FBXO27: variants seen among roughly 807,000 people sequenced by gnomAD.
FBXO27 encodes F-box protein 27, also known as F-box only protein 27.
In FBXO27, 28 loss-of-function variants were observed where a neutral mutation model predicts 28.3. That is an observed-to-expected ratio of 0.99 (90% CI 0.73 to 1.36). The LOEUF is 1.36. FBXO27 is among the 40% of genes most tolerant of loss of function. The probability of loss-of-function intolerance (pLI) is 0.00; values close to 1 mark genes in which losing one functional copy is unlikely to be tolerated. For missense variants in FBXO27, 388 were observed against 394.1 expected (o/e 0.98, Z 0.13); for synonymous variants, 175 against 167.3 (o/e 1.05, Z -0.36).
chr19:39,025,704 C>T, intron 5 of FBXO27, 150 bp from the exon 6 acceptor site: 4 of 1,113,982 alleles, frequency 3.6e-6, no homozygotes, highest in Non-Finnish European at 5.0e-6. Flanking sequence ...ATAGAATCTT[C>T]CACTCCCTCA....
intron 2 of FBXO27, among the ~76,000 whole-genome samples, chr19:39,007,057 C>A (rs1223005676): frequency 2.1e-3 from 122 of 57,576 alleles, no homozygotes; most frequent in East Asian, 3.9e-3. Flanking sequence ...TGGGTGTCTC[C>A]AAAAAAAAAA....
intron 2 of FBXO27, among the ~76,000 whole-genome samples, chr19:39,007,583 A>G (rs1975744984): frequency 6.6e-6 from 1 of 152,024 alleles, no homozygotes; most frequent in Admixed American, 6.6e-5. Flanking sequence ...GCCCACCCCC[A>G]ACTCTGCATC....
At chr19:39,016,378 G>C (rs192209292) in intron 1 of FBXO27, among the ~76,000 whole-genome samples, 72 of 152,040 alleles carry the variant, frequency 4.7e-4, no homozygotes, top group African/African-American at 1.7e-3. Context: ...GTGTGTGTGC[G>C]TGAGGGGCTG....
At chr19:39,012,641 T>G (rs77752267) in intron 2 of FBXO27, among the ~76,000 whole-genome samples, 2 of 108,406 alleles carry the variant, frequency 1.8e-5, no homozygotes, top group African/African-American at 7.3e-5. Context: ...TCTTCTTTTT[T>G]TTTGTTTGTT....
intron 2 of FBXO27, among the ~76,000 whole-genome samples, 197 bp downstream of exon 2, chr19:39,031,667 C>G (rs1487211924): frequency 6.6e-6 from 1 of 151,658 alleles, no homozygotes; most frequent in Admixed American, 6.6e-5. Context: ...CCCACCGGCT[C>G]CCAATGCTGC....
intron 1 of FBXO27, among the ~76,000 whole-genome samples, chr19:39,014,766 C>A (rs1434542733): frequency 6.6e-6 from 1 of 150,950 alleles, no homozygotes; most frequent in Non-Finnish European, 1.5e-5. Flanking sequence ...AAAATGCATA[C>A]CTTCAAGAAA....
chr19:39,007,343 G>C (rs1333873735), intron 2 of FBXO27, among the ~76,000 whole-genome samples: 2 of 152,178 alleles, frequency 1.3e-5, no homozygotes, highest in Non-Finnish European at 1.5e-5. Flanking sequence ...TGCCTGAGGA[G>C]TGTGGACAGC....
At chr19:39,012,520 A>G (rs2072800637) in intron 2 of FBXO27, among the ~76,000 whole-genome samples, 1 of 152,244 alleles carries the variant, frequency 6.6e-6, no homozygotes. Context: ...TTCATCCAGA[A>G]GGGTTGGATA....
intron 2 of FBXO27, among the ~76,000 whole-genome samples, chr19:39,012,960 A>AAAAC (rs144507136): frequency 0.11 from 13,901 of 129,404 alleles, 785 homozygotes; most frequent in Non-Finnish European, 0.14. Context: ...ACCCTGTCTC[A>AAAAC]AAACAAACAA....
At chr19:39,028,478 T>TAATC (rs751809025) in intron 4 of FBXO27, among the ~76,000 whole-genome samples, 15 of 152,274 alleles carry the variant, frequency 9.9e-5, no homozygotes, top group Non-Finnish European at 2.1e-4. Context: ...CTCACACCTG[T>TAATC]AATCCCAGCA....
chr19:39,008,302 T>C (rs1441885613), intron 2 of FBXO27, among the ~76,000 whole-genome samples: 1 of 151,056 alleles, frequency 6.6e-6, no homozygotes. Flanking sequence ...TATTTAAATA[T>C]AAATGGGGTC....
At chr19:39,011,700 G>T (rs775490293) in intron 2 of FBXO27, among the ~76,000 whole-genome samples, 11 of 122,472 alleles carry the variant, frequency 9.0e-5, no homozygotes, top group South Asian at 7.3e-4. Flanking sequence ...CGGCGGGGGA[G>T]GGGGGGTCTC....
chr19:39,027,573 A>G (rs561471314), intron 4 of FBXO27, among the ~76,000 whole-genome samples: 1 of 152,154 alleles, frequency 6.6e-6, no homozygotes, highest in African/African-American at 2.4e-5. Context: ...GCTGATTTTA[A>G]TCTGTATCTT....
intron 1 of FBXO27, among the ~76,000 whole-genome samples, chr19:39,014,979 T>A (rs1445198996): frequency 2.0e-5 from 3 of 149,636 alleles, no homozygotes; most frequent in Non-Finnish European, 4.4e-5. Flanking sequence ...GATCACGCTA[T>A]TGCACTCCAG....
downstream of FBXO27, among the ~76,000 whole-genome samples, chr19:39,021,862 C>T (rs1044015853): frequency 3.3e-5 from 5 of 152,018 alleles, no homozygotes; most frequent in African/African-American, 9.7e-5. Flanking sequence ...GGGGTTTCAC[C>T]ATGTTGGCCA....
chr19:39,028,800 T>C (rs907261834), intron 4 of FBXO27, among the ~76,000 whole-genome samples: 2 of 151,332 alleles, frequency 1.3e-5, no homozygotes, highest in African/African-American at 4.9e-5. Flanking sequence ...AAGGCAGAGG[T>C]TGCAGTGAGC....
In FBXO27 at chr19:39,031,966, T is replaced by C; in HGVS notation, c.262A>G (p.Ser88Gly). ...GCGTTACGGGCGGGAGACTGGCAGC[T>C]GCGGGCGAGGTGCAGCAGCGCGCGG... Reference protein sequence around the residue: ...TGRALLHLARSCQSPARNARP... With the variant: ...TGRALLHLARGCQSPARNARP... Residue 88 changes from serine (S) to glycine (G), a missense_variant, in exon 2 of 6, where the codon AGC becomes GGC. Transcript: ENST00000292853. The C allele has an allele frequency of 6.6e-7, 1 of 1,521,824 alleles. No individual in the cohort carries two copies. Among genetic ancestry groups the C allele is most frequent in the South Asian group, 1.3e-5 (1 of 79,282 alleles). The allele number at this position is 1,521,824 out of a possible 1,614,324, so 94.3% of individuals were successfully genotyped here. A position where few individuals can be genotyped will look rare whatever the true frequency, so the allele number is the denominator to read the frequency against.
rs1222059770 is a variant in FBXO27, at chr19:39,025,529, T to A, written c.734A>T (p.Lys245Met). The change falls in exon 6 of 6, where the codon AAG becomes ATG. Residue 245 changes from lysine to methionine, a missense_variant. Lys to Met is a moderately conservative substitution (Grantham distance 95, BLOSUM62 -1). Coordinates refer to ENST00000292853, the MANE Select transcript of FBXO27 (RefSeq NM_178820.5). ...GAAAGACACAAAGCGGACGCCCATC[T>A]TGATGTTGGAGAACACGTGGGTGAC... The part of the protein sequence containing the change: ...LHVTHVFSNI[K>M]MGVRFVSFEH... The A allele has an allele frequency of 6.2e-7, 1 of 1,613,940 alleles. No individual in the cohort carries two copies. The highest frequency in any genetic ancestry group is 1.3e-5 in the African/African-American group (1 of 74,936).
chr19:39,025,570 G>A lies in FBXO27; in HGVS notation c.709-16C>T. On this transcript the variant is annotated splice_polypyrimidine_tract_variant and intron_variant, in intron 5 of 5. Coordinates refer to ENST00000292853, the MANE Select transcript of FBXO27 (RefSeq NM_178820.5). ...CGTGGGTGACCTGTAGGCAGAGGAG[G>A]GGCTCAGCTCCATTGTGCCACAGCC... The A allele has an allele frequency of 6.2e-7, 1 of 1,608,578 alleles. No individual in the cohort carries two copies. The highest frequency in any genetic ancestry group is 1.1e-5 in the South Asian group (1 of 90,250).
Sources: allele counts gnomAD v4.1 joint callset (sites outside exome capture counted in the v4.1 genomes callset), GRCh38; gene constraint gnomAD v4.1.1; transcripts MANE v1.5; gene names NCBI Gene and HGNC (gene_info 2026-07-23, HGNC 2026-07-21).